The following ARHGAP26 variants were observed in gnomAD, a reference collection of about 807,000 sequenced individuals.
The protein encoded by ARHGAP26 is Rho GTPase activating protein 26, also known as rho GTPase-activating protein 26.
Under a neutral mutation model 104.8 loss-of-function variants are expected in ARHGAP26, and 38 were observed. The observed-to-expected ratio is 0.36, with a 90% CI of 0.28 to 0.48. The LOEUF (loss-of-function observed/expected upper bound fraction) is 0.48, where lower values mean the gene tolerates loss of function less well. ARHGAP26 is among the 20% of genes least tolerant of loss of function. ARHGAP26 has a pLI of 0.99. For missense variants in ARHGAP26, 704 were observed against 947.9 expected (o/e 0.74, Z 3.38); for synonymous variants, 341 against 340.0 (o/e 1.00, Z -0.03).
intron 20 of ARHGAP26, among the ~76,000 whole-genome samples, chr5:143,194,574 G>GAAAAAAAAAAAAAAAA (rs879314745): frequency 7.0e-6 from 1 of 143,880 alleles, no homozygotes. Context: ...CTCAGATTTG[G>GAAAAAAAAAAAAAAAA]AAAAAAAAAA....
At chr5:142,879,498 C>T (rs1351055193) in intron 4 of ARHGAP26, 53 bp downstream of exon 4, 2 of 1,452,014 alleles carry the variant, frequency 1.4e-6, no homozygotes, top group Admixed American at 2.2e-5. Context: ...GTCTGGAAAA[C>T]ATAGCACCTT....
chr5:143,033,066 T>G (rs1782120071), intron 12 of ARHGAP26, among the ~76,000 whole-genome samples: 2 of 152,156 alleles, frequency 1.3e-5, no homozygotes, highest in African/African-American at 4.8e-5. Context: ...CAATATGCAA[T>G]TTTAATACAT....
Position 143,148,288 on chromosome 5 carries a change from G to T in ARHGAP26, c.1988+907G>T, listed in dbSNP as rs368505956. Among the ~76,000 whole-genome samples the T allele has an allele frequency of 6.6e-5, 10 of 152,182 alleles. No individual in the cohort carries two copies. The South Asian group carries it at 2.1e-3, about 32-fold the overall frequency. On this transcript the variant is annotated intron_variant, in intron 20 of 22. Coordinates refer to ENST00000645722, the MANE Select transcript of ARHGAP26 (RefSeq NM_001135608.3). ...CATGGCGGTGAGATGCTAGGATGTC[G>T]GTAACCTTTTCCTGCTCCTCCACAT...
At chr5:143,094,970 A>G (rs1300099948) in intron 17 of ARHGAP26, among the ~76,000 whole-genome samples, 1 of 152,212 alleles carries the variant, frequency 6.6e-6, no homozygotes, top group Non-Finnish European at 1.5e-5. Flanking sequence ...ACATACTGAC[A>G]TACTGATTAT....
intron 11 of ARHGAP26, among the ~76,000 whole-genome samples, chr5:142,994,776 A>T (rs1253446150): frequency 6.6e-6 from 1 of 152,246 alleles, no homozygotes; most frequent in Admixed American, 6.5e-5. Flanking sequence ...TGTGCCATGC[A>T]TAGTGCCAGC....
intron 1 of ARHGAP26, among the ~76,000 whole-genome samples, chr5:142,792,643 T>C (rs1367657470): frequency 6.6e-6 from 1 of 152,182 alleles, no homozygotes; most frequent in African/African-American, 2.4e-5. Context: ...CCCCATTGAC[T>C]TCTCAGTTGG....
chr5:142,961,652 C>T (rs1020420308), intron 11 of ARHGAP26, among the ~76,000 whole-genome samples: 1 of 152,166 alleles, frequency 6.6e-6, no homozygotes, highest in Admixed American at 6.5e-5. Context: ...ATAAGAATGG[C>T]TTAATGACTA....
intron 5 of ARHGAP26, among the ~76,000 whole-genome samples, chr5:142,885,902 T>C (rs1201120368): frequency 3.3e-5 from 5 of 152,212 alleles, no homozygotes; most frequent in Admixed American, 1.3e-4. Context: ...TTTATTGTCC[T>C]GTATATATTT....
At chr5:142,838,387 C>A (rs1434844741) in intron 1 of ARHGAP26, among the ~76,000 whole-genome samples, 3 of 152,048 alleles carry the variant, frequency 2.0e-5, no homozygotes, top group Non-Finnish European at 4.4e-5. Context: ...TTGTTCTTAC[C>A]TTTTGATTGA....
intron 1 of ARHGAP26, among the ~76,000 whole-genome samples, chr5:142,846,348 G>T (rs1178441915): frequency 6.6e-6 from 1 of 152,194 alleles, no homozygotes; most frequent in African/African-American, 2.4e-5. Flanking sequence ...AGTCACCAGT[G>T]CATAGGTGGG....
intron 1 of ARHGAP26, among the ~76,000 whole-genome samples, chr5:142,844,680 A>G (rs1017890008): frequency 6.6e-6 from 1 of 151,766 alleles, no homozygotes; most frequent in Admixed American, 6.6e-5. Flanking sequence ...CCTGGTCAAC[A>G]TGATGACATC....
chr5:143,211,645 C>T (rs769632728), intron 21 of ARHGAP26, among the ~76,000 whole-genome samples: 16 of 151,602 alleles, frequency 1.1e-4, no homozygotes, highest in East Asian at 1.9e-4. Context: ...CAGCTCACTG[C>T]GGCTCCCACC....
intron 17 of ARHGAP26, among the ~76,000 whole-genome samples, chr5:143,083,648 G>A (rs1790136533): frequency 6.6e-6 from 1 of 152,026 alleles, no homozygotes; most frequent in South Asian, 2.1e-4. Context: ...ACAGGCACCT[G>A]CCACTACACC....
chr5:143,088,092 C>T (rs900014497), intron 17 of ARHGAP26, among the ~76,000 whole-genome samples: 1 of 152,220 alleles, frequency 6.6e-6, no homozygotes, highest in African/African-American at 2.4e-5. Context: ...GCTGGTGCTA[C>T]TGTTCCTCAC....
intron 11 of ARHGAP26, among the ~76,000 whole-genome samples, chr5:142,938,237 A>C (rs1254857169): frequency 6.6e-6 from 1 of 152,194 alleles, no homozygotes; most frequent in African/African-American, 2.4e-5. Context: ...AATAGTATGA[A>C]ATTATAACTT....
intron 11 of ARHGAP26, among the ~76,000 whole-genome samples, chr5:142,968,006 A>T (rs1771673369): frequency 6.6e-6 from 1 of 152,134 alleles, no homozygotes; most frequent in Non-Finnish European, 1.5e-5. Context: ...TTGTTTTTAG[A>T]TGAGTTTCCT....
chr5:142,906,772 T>C (rs1761162472), intron 8 of ARHGAP26, among the ~76,000 whole-genome samples: 1 of 152,268 alleles, frequency 6.6e-6, no homozygotes, highest in Non-Finnish European at 1.5e-5. Context: ...TTTACTGTTT[T>C]GTTTTTTAAG....
At chr5:143,006,226 C>T (rs1022812199) in intron 11 of ARHGAP26, among the ~76,000 whole-genome samples, 5 of 151,744 alleles carry the variant, frequency 3.3e-5, no homozygotes, top group Admixed American at 2.0e-4. Context: ...GAGAACAAAG[C>T]GGTCACCTGG....
chr5:143,001,618 G>A (rs911552707), intron 11 of ARHGAP26, among the ~76,000 whole-genome samples: 2 of 152,246 alleles, frequency 1.3e-5, no homozygotes, highest in African/African-American at 4.8e-5. Context: ...TGTTCTGGCT[G>A]GCCTAAGTCA....
Sources: gnomAD v4.1 joint callset for allele counts (sites outside exome capture counted in the v4.1 genomes callset) on GRCh38, gnomAD v4.1.1 for gene constraint, MANE v1.5 for transcripts, NCBI Gene and HGNC (gene_info 2026-07-23, HGNC 2026-07-21) for gene names.